GOLGA6L2: variants seen among roughly 807,000 people sequenced by gnomAD.
GOLGA6L2 encodes golgin subfamily A member 6-like protein 2.
GOLGA6L2 carries 30 observed loss-of-function variants against 35.9 expected under a neutral mutation model. The observed-to-expected ratio is 0.83, with a 90% CI of 0.62 to 1.13. The LOEUF (loss-of-function observed/expected upper bound fraction) is 1.13. Ranked by LOEUF, GOLGA6L2 falls within the 50% of genes most tolerant of loss-of-function variation. The pLI is 0.00. For synonymous variants in GOLGA6L2, 297 were observed against 344.0 expected (o/e 0.86, Z 1.51); for missense variants, 821 against 973.4 (o/e 0.84, Z 2.08).
chr15:23,439,375 G>C lies in GOLGA6L2; in HGVS notation c.*370C>G, dbSNP rs2070620655. On this transcript the variant is annotated 3_prime_UTR_variant, in exon 8 of 8. Coordinates refer to ENST00000567107, the MANE Select transcript of GOLGA6L2 (RefSeq NM_001304388.2). ...ATCCACCCCCTCTAGGTCTCCCAAA[G>C]TGCTGCGGTTGTAGGTTTCGGCCAC... is the stretch of plus-strand genomic sequence containing the variant. The C allele has an allele frequency of 2.6e-6, 1 of 377,790 alleles. No homozygotes were observed. The highest frequency in any genetic ancestry group is 3.8e-5 in the Admixed American group (1 of 26,116). The allele number at this position is 377,790 out of a possible 1,614,324, so 23.4% of individuals were successfully genotyped here.
chr15:23,444,296 C>T lies in GOLGA6L2; in HGVS notation c.244-84G>A, dbSNP rs543021634. ...ACATGCCCCCAGAATGGCACCAATG[C>T]CCCAGGACAGGCGCACCCATGGGAC... On this transcript the variant is annotated intron_variant, in intron 3 of 7. Coordinates refer to ENST00000567107, the MANE Select transcript of GOLGA6L2 (RefSeq NM_001304388.2). 57 of 1,523,440 alleles carry T rather than the reference C, an allele frequency of 3.7e-5. No homozygotes were observed. The East Asian group carries it at 3.9e-4, about 10-fold the overall frequency. The allele number at this position is 1,523,440 out of a possible 1,614,324, so 94.4% of individuals were successfully genotyped here. A position where few individuals can be genotyped will look rare whatever the true frequency, so the allele number is the denominator to read the frequency against.
chr15:23,440,609 TG>T lies in GOLGA6L2; in HGVS notation c.1865del (p.Pro622GlnfsTer356). ...DAGAGEEDMG[P>X]GGEDARGGED... ...CTCCTCCTCTCGCATCTTCTCCTCC[TG>T]GTCCCATGTCTTCTTCTCCTGCTCC... On this transcript the variant is annotated frameshift_variant, in exon 8 of 8. Transcript: ENST00000567107. LOFTEE classifies it low-confidence loss of function (END_TRUNC). The T allele has an allele frequency of 1.4e-6, 2 of 1,396,116 alleles. No homozygotes were observed. The highest frequency in any genetic ancestry group is 9.8e-7 in the Non-Finnish European group (1 of 1,018,928). The allele number at this position is 1,396,116 out of a possible 1,614,324, so 86.5% of individuals were successfully genotyped here.
chr15:23,439,961 A>G lies in GOLGA6L2; in HGVS notation c.2514T>C (p.Asp838=). Residue 838 remains aspartate (D), a synonymous_variant, in exon 8 of 8, where the codon GAT becomes GAC. Coordinates refer to ENST00000567107, the MANE Select transcript of GOLGA6L2 (RefSeq NM_001304388.2). ...CCGCATCTTCTCCTCCTGCTCCCGC[A>G]TCTTCTCCTCCTGGCCCTGCATCTT... is the stretch of plus-strand genomic sequence containing the variant. ...GGEDAGPGGE[D]AGAGGEDAGP... The G allele has an allele frequency of 1.0e-6, 1 of 965,740 alleles. No individual in the cohort carries two copies. 59.8% of individuals were successfully genotyped at this position (965,740 alleles called of 1,614,324 possible).
chr15:23,446,648 G>A (rs529972654), intron 1 of GOLGA6L2, among the ~76,000 whole-genome samples: 2 of 151,984 alleles, frequency 1.3e-5, no homozygotes, highest in East Asian at 1.9e-4. Flanking sequence ...CCTTGGAGAC[G>A]TGAGCCCAAA....
intron 1 of GOLGA6L2, among the ~76,000 whole-genome samples, chr15:23,446,208 TAA>T (rs35069525): frequency 0.81 from 122,890 of 151,862 alleles, 50,449 homozygotes; most frequent in Middle Eastern, 0.88. Context: ...AGAAAACTGT[TAA>T]AGTCTCTCTG....
chr15:23,440,912 CCGTATCT>C lies in GOLGA6L2; in HGVS notation c.1556_1562del (p.Lys519ArgfsTer457). The C allele has an allele frequency of 6.8e-7, 1 of 1,464,708 alleles. No individual in the cohort carries two copies. Among genetic ancestry groups the C allele is most frequent in the Non-Finnish European group, 9.2e-7 (1 of 1,089,660 alleles). The allele number at this position is 1,464,708 out of a possible 1,614,324, so 90.7% of individuals were successfully genotyped here. ...CCTGCCCCCACATCTCCTCCTGGTCCCGTATCTTCTCCTCCTGCTCCCATATCTTCTC... is the reference window on the plus strand; with the variant it reads ...CCTGCCCCCACATCTCCTCCTGGTCCTCTCCTCCTGCTCCCATATCTTCTC... On this transcript the variant is annotated frameshift_variant, in exon 8 of 8. Coordinates refer to ENST00000567107, the MANE Select transcript of GOLGA6L2 (RefSeq NM_001304388.2). LOFTEE classifies it low-confidence loss of function (END_TRUNC).
At chr15:23,446,324 A>C (rs146935519) in intron 1 of GOLGA6L2, among the ~76,000 whole-genome samples, 23 of 152,252 alleles carry the variant, frequency 1.5e-4, no homozygotes, top group Non-Finnish European at 2.1e-4. Context: ...TAGGCTTTTC[A>C]AACTGTCAAT....
chr15:23,442,192 C>T (rs1566738360), intron 6 of GOLGA6L2, 72 bp from the exon 7 acceptor site: 2 of 1,488,054 alleles, frequency 1.3e-6, no homozygotes, highest in Admixed American at 3.9e-5. Context: ...CAACCCTCTA[C>T]TCTCGCCCCA....
Position 23,440,833 on chromosome 15 carries a change from C to G in GOLGA6L2, c.1642G>C (p.Gly548Arg). ...TCTCCTGCTCCTGCAGCCTCTCCTC[C>G]TGTCTCCACATCTTCCTGCTCCCGC... ...KMREQEDVET[G>R]GEAAGAGEAD... Residue 548 changes from glycine (G) to arginine (R), a missense_variant, in exon 8 of 8, where the codon GGA becomes CGA. Around this residue, in one of 7 missense-constraint regions of GOLGA6L2, gnomAD observed 614 missense variants for 632.3 expected, o/e 0.97. Transcript: ENST00000567107. 2 of 1,519,564 alleles carry G rather than the reference C, an allele frequency of 1.3e-6. No individual in the cohort carries two copies. Among genetic ancestry groups the G allele is most frequent in the Non-Finnish European group, 1.8e-6 (2 of 1,130,404 alleles). The allele number at this position is 1,519,564 out of a possible 1,614,324, so 94.1% of individuals were successfully genotyped here. A position where few individuals can be genotyped will look rare whatever the true frequency, so the allele number is the denominator to read the frequency against.
intron 5 of GOLGA6L2, 56 bp downstream of exon 5, chr15:23,443,721 A>G (rs1438870033): frequency 7.4e-7 from 1 of 1,353,072 alleles, no homozygotes; most frequent in African/African-American, 1.4e-5. Flanking sequence ...CTTTAGGCTC[A>G]TTCCTCCATC....
Position 23,439,460 on chromosome 15 carries a change from T to G in GOLGA6L2, c.*285A>C. 1.5e-6 allele frequency: 1 copy of G among 649,726 alleles called. No individual in the cohort carries two copies. Among genetic ancestry groups the G allele is most frequent in the Non-Finnish European group, 2.3e-6 (1 of 436,836 alleles). 40.2% of individuals were successfully genotyped at this position (649,726 alleles called of 1,614,324 possible). A position where few individuals can be genotyped will look rare whatever the true frequency, so the allele number is the denominator to read the frequency against. On this transcript the variant is annotated 3_prime_UTR_variant, in exon 8 of 8. Transcript: ENST00000567107. ...AAATTTTCTTTTCTTTTTTTTTTTT[T>G]TTTTCAAGTTTGTGCTCAGACTATA...
rs988655403 is a variant in GOLGA6L2, at chr15:23,439,688, G to A, written c.*57C>T. On this transcript the variant is annotated 3_prime_UTR_variant, in exon 8 of 8. Transcript: ENST00000567107. ...CTCCTGTGCAGTGGGGTTGTCCTGC[G>A]GAGAACCCTCCCCAGCCTCTCCTCC... 15 of 1,537,120 alleles carry A rather than the reference G, an allele frequency of 9.8e-6. No homozygotes were observed. Among genetic ancestry groups the A allele is most frequent in the African/African-American group, 1.4e-5 (1 of 72,844 alleles).
intron 1 of GOLGA6L2, among the ~76,000 whole-genome samples, chr15:23,446,033 A>G (rs1415835198): frequency 6.6e-6 from 1 of 152,198 alleles, no homozygotes; most frequent in African/African-American, 2.4e-5. Flanking sequence ...GTGGCACTCA[A>G]AGTACCCCAG....
intron 1 of GOLGA6L2, among the ~76,000 whole-genome samples, chr15:23,446,824 G>A (rs1422401788): frequency 1.3e-5 from 2 of 152,128 alleles, no homozygotes; most frequent in Admixed American, 6.5e-5. Flanking sequence ...AGGGAGGTCA[G>A]TTTTGGGGTA....
At position 23,439,166 on chromosome 15, in the gene GOLGA6L2, T is replaced by TTTTA. The variant is rs1290062784; in HGVS notation, c.*578_*579insTAAA. On this transcript the variant is annotated 3_prime_UTR_variant, in exon 8 of 8. Transcript: ENST00000567107. ...CTCAGGTAGAAACTTTTTTTTTTTT[T>TTTTA]TTGAGATGGAATCTCGCTCTGTCAT... Among the ~76,000 whole-genome samples the TTTTA allele has an allele frequency of 1.4e-5, 1 of 73,144 alleles. No individual in the cohort carries two copies. The highest frequency in any genetic ancestry group is 3.8e-5 in the Non-Finnish European group (1 of 26,566). 48.0% of individuals were successfully genotyped at this position (73,144 alleles called of 152,430 possible). A position where few individuals can be genotyped will look rare whatever the true frequency, so the allele number is the denominator to read the frequency against.
rs1488114596 is a variant in GOLGA6L2 at position 23,439,205 on chromosome 15, C to T, written c.*540G>A. ...TCGCTCTGTCATCCAGGCTGGAATGCGGTGGTGTGATCTTGGCTCACTGCA... is the reference window on the plus strand; with the variant it reads ...TCGCTCTGTCATCCAGGCTGGAATGTGGTGGTGTGATCTTGGCTCACTGCA... On this transcript the variant is annotated 3_prime_UTR_variant, in exon 8 of 8. Transcript: ENST00000567107. Among the ~76,000 whole-genome samples, 2 of 130,778 alleles carry T rather than the reference C, an allele frequency of 1.5e-5. No individual in the cohort carries two copies. Among genetic ancestry groups the T allele is most frequent in the Non-Finnish European group, 3.1e-5 (2 of 64,900 alleles). 85.8% of individuals were successfully genotyped at this position (130,778 alleles called of 152,430 possible).
intron 5 of GOLGA6L2, 49 bp downstream of exon 5, chr15:23,443,728 C>T (rs751347112): frequency 7.1e-7 from 1 of 1,400,862 alleles, no homozygotes; most frequent in East Asian, 2.5e-5. Flanking sequence ...CTCATTCCTC[C>T]ATCTGCGAAG....
rs1315712129 is a variant in GOLGA6L2, at chr15:23,439,757, T to A, written c.2718A>T (p.Gln906His). 1 of 1,535,644 alleles carries A rather than the reference T, an allele frequency of 6.5e-7. No individual in the cohort carries two copies. Among genetic ancestry groups the A allele is most frequent in the Admixed American group, 2.0e-5 (1 of 50,802 alleles). ...AVLRALPPSL[Q>H]SSL ...AGTGTGGCTCATATTACAAAGAACT[T>A]TGGAGGGAGGGAGGCAGGGCTCTGA... Residue 906 changes from glutamine (Q) to histidine (H), a missense_variant, in exon 8 of 8, where the codon CAA becomes CAT. Coordinates refer to ENST00000567107, the MANE Select transcript of GOLGA6L2 (RefSeq NM_001304388.2).
At chr15:23,445,820 T>G (rs866352224) in intron 1 of GOLGA6L2, among the ~76,000 whole-genome samples, 1 of 152,156 alleles carries the variant, frequency 6.6e-6, no homozygotes, top group African/African-American at 2.4e-5. Flanking sequence ...TTTACATCAA[T>G]GTATCCTCAG....
Sources: gnomAD v4.1 joint callset for allele counts (sites outside exome capture counted in the v4.1 genomes callset) on GRCh38, gnomAD v4.1.1 for gene constraint, gnomAD v4.1.1 regional missense constraint, MANE v1.5 for transcripts, NCBI Gene and HGNC (gene_info 2026-07-23, HGNC 2026-07-21) for gene names.